APPBP2: variants seen among roughly 807,000 people sequenced by gnomAD.
APPBP2 encodes the protein amyloid protein-binding protein 2.
A neutral mutation model predicts 76.0 loss-of-function variants in APPBP2; 15 were observed. That is an observed-to-expected ratio of 0.20 (90% confidence interval 0.13 to 0.30). The LOEUF (loss-of-function observed/expected upper bound fraction) is 0.30. Among genes scored for constraint, APPBP2 ranks in the 10% least tolerant of loss-of-function variants. The probability of loss-of-function intolerance (pLI) is 1.00; values close to 1 mark genes in which losing one functional copy is unlikely to be tolerated. For missense variants in APPBP2, 401 were observed against 687.2 expected (o/e 0.58, Z 4.66); for synonymous variants, 222 against 242.2 (o/e 0.92, Z 0.77).
chr17:60,463,059 C>T (rs1303216248), intron 6 of APPBP2, among the ~76,000 whole-genome samples: 1 of 151,762 alleles, frequency 6.6e-6, no homozygotes, highest in African/African-American at 2.4e-5. Context: ...GTAAGAATAT[C>T]CCTGTTCTAG....
intron 3 of APPBP2, 70 bp from the exon 4 acceptor site, chr17:60,479,341 C>G (rs1463069249): frequency 1.4e-6 from 2 of 1,436,204 alleles, no homozygotes; most frequent in African/African-American, 2.9e-5. Context: ...GACATGCTGA[C>G]AGTGAATATT....
At chr17:60,457,144 A>C (rs945526408) in intron 9 of APPBP2, among the ~76,000 whole-genome samples, 3 of 151,788 alleles carry the variant, frequency 2.0e-5, no homozygotes, top group Non-Finnish European at 2.9e-5. Flanking sequence ...AAAAAAAAAA[A>C]ATTACCATCA....
intron 2 of APPBP2, 80 bp downstream of exon 2, chr17:60,500,319 A>T: frequency 1.0e-6 from 1 of 1,003,612 alleles, no homozygotes; most frequent in Non-Finnish European, 1.5e-6. Flanking sequence ...CAATGTGAAT[A>T]TACTTAATGC....
chr17:60,507,599 C>T (rs2143473609), intron 1 of APPBP2, among the ~76,000 whole-genome samples: 1 of 152,060 alleles, frequency 6.6e-6, no homozygotes, highest in South Asian at 2.1e-4. Context: ...TCAGAAGACA[C>T]AAAAAAATTC....
intron 1 of APPBP2, among the ~76,000 whole-genome samples, chr17:60,507,226 CTTT>C (rs72163217): frequency 2.1e-5 from 3 of 141,188 alleles, no homozygotes; most frequent in African/African-American, 2.7e-5. Context: ...TTTCTTTTTT[CTTT>C]TTTTTTTTTT....
chr17:60,520,567 T>C (rs2091001180), intron 1 of APPBP2, among the ~76,000 whole-genome samples: 1 of 124,364 alleles, frequency 8.0e-6, no homozygotes, highest in African/African-American at 4.7e-5. Context: ...AACAAGACTC[T>C]GTTAAAAAAA....
chr17:60,500,631 C>A, intron 1 of APPBP2, 144 bp from the exon 2 acceptor site: 2 of 667,582 alleles, frequency 3.0e-6, no homozygotes, highest in South Asian at 3.8e-5. Context: ...TTCTACAATT[C>A]ATATAAAAAT....
chr17:60,520,590 A>AAAATC (rs1555637034), intron 1 of APPBP2, among the ~76,000 whole-genome samples: 5 of 149,342 alleles, frequency 3.3e-5, no homozygotes, highest in African/African-American at 1.3e-4. Context: ...AAAAAAAAAA[A>AAAATC]ATTAAGATTG....
intron 3 of APPBP2, among the ~76,000 whole-genome samples, chr17:60,482,648 T>C (rs997229839): frequency 2.6e-5 from 4 of 152,148 alleles, no homozygotes; most frequent in South Asian, 2.1e-4. Flanking sequence ...AGTGTTCTCA[T>C]TGTTCAATTC....
At position 60,446,488 on chromosome 17, in the gene APPBP2, T is replaced by A. The variant is rs950065200; in HGVS notation, c.*1093A>T. 6.6e-6 allele frequency: 1 copy of A among 152,234 alleles called. No homozygotes were observed. Among genetic ancestry groups the A allele is most frequent in the African/African-American group, 2.4e-5 (1 of 41,466 alleles). The allele number at this position is 152,234 out of a possible 1,614,324, so 9.4% of individuals were successfully genotyped here. On this transcript the variant is annotated 3_prime_UTR_variant, in exon 13 of 13. Coordinates refer to ENST00000083182, the MANE Select transcript of APPBP2 (RefSeq NM_006380.5). Reference sequence around the variant, plus strand: ...ATTTTCTAAGACTTATTTTTGGGCATTCATTTTCATTAATCTCCATAAACC... The same window carrying A: ...ATTTTCTAAGACTTATTTTTGGGCAATCATTTTCATTAATCTCCATAAACC...
At chr17:60,461,008 TAATAA>T in intron 8 of APPBP2, 1 of 259,226 alleles carries the variant, frequency 3.9e-6, no homozygotes, top group East Asian at 7.2e-5. Context: ...TTAATAATAA[TAATAA>T]TAATAATCAT....
At chr17:60,472,394 C>T (rs1427820980) in intron 4 of APPBP2, among the ~76,000 whole-genome samples, 1 of 151,996 alleles carries the variant, frequency 6.6e-6, no homozygotes, top group Non-Finnish European at 1.5e-5. Context: ...GGTAAATTGT[C>T]CATTTCTAAA....
intron 1 of APPBP2, among the ~76,000 whole-genome samples, chr17:60,514,451 C>T (rs1457475158): frequency 6.6e-6 from 1 of 152,128 alleles, no homozygotes; most frequent in Non-Finnish European, 1.5e-5. Context: ...ATCAAAAAAA[C>T]AAAAACAAAA....
chr17:60,456,651 C>T (rs2090433547), intron 9 of APPBP2, among the ~76,000 whole-genome samples: 1 of 152,136 alleles, frequency 6.6e-6, no homozygotes, highest in Non-Finnish European at 1.5e-5. Context: ...ACTTCCCTGA[C>T]CTCATCTCCT....
At chr17:60,477,017 C>T (rs1277639242) in intron 4 of APPBP2, among the ~76,000 whole-genome samples, 3 of 152,170 alleles carry the variant, frequency 2.0e-5, no homozygotes, top group Non-Finnish European at 4.4e-5. Flanking sequence ...GTCCCAGTTT[C>T]CAGTTTAAAA....
intron 2 of APPBP2, among the ~76,000 whole-genome samples, chr17:60,497,277 T>A (rs1047540581): frequency 2.6e-5 from 4 of 152,170 alleles, no homozygotes; most frequent in African/African-American, 9.7e-5. Context: ...AGTCACTTAT[T>A]TGTGGGAGCT....
intron 3 of APPBP2, among the ~76,000 whole-genome samples, chr17:60,484,681 T>C (rs1189995036): frequency 1.3e-5 from 2 of 152,302 alleles, no homozygotes; most frequent in East Asian, 3.9e-4. Context: ...CAGGGACAAT[T>C]TGACTTCCTC....
rs1393914052 is a variant in APPBP2 at position 60,500,248 on chromosome 17, C to G, written c.227+151G>C. On this transcript the variant is annotated intron_variant, in intron 2 of 12. Coordinates refer to ENST00000083182, the MANE Select transcript of APPBP2 (RefSeq NM_006380.5). ...GAAGGTCTCGATCTGACCTCGTGATCTGCCCACCTCAGCCTCCCAAAGTGC... is the reference window on the plus strand; with the variant it reads ...GAAGGTCTCGATCTGACCTCGTGATGTGCCCACCTCAGCCTCCCAAAGTGC... 1.5e-5 allele frequency: 8 copies of G among 533,452 alleles called. No homozygotes were observed. In the South Asian group the frequency reaches 2.3e-4, roughly 15 times the overall value. The allele number at this position is 533,452 out of a possible 1,614,324, so 33.0% of individuals were successfully genotyped here. A position where few individuals can be genotyped will look rare whatever the true frequency, so the allele number is the denominator to read the frequency against.
At chr17:60,466,096 G>C (rs2090508866) in intron 5 of APPBP2, among the ~76,000 whole-genome samples, 195 bp downstream of exon 5, 1 of 152,130 alleles carries the variant, frequency 6.6e-6, no homozygotes, top group South Asian at 2.1e-4. Flanking sequence ...GCCTCCTAAA[G>C]TTCTGGGATT....
Sources: gnomAD v4.1 joint callset for allele counts (sites outside exome capture counted in the v4.1 genomes callset) on GRCh38, gnomAD v4.1.1 for gene constraint, MANE v1.5 for transcripts, NCBI Gene and HGNC (gene_info 2026-07-23, HGNC 2026-07-21) for gene names.